The following SMYD3 variants were observed in gnomAD, a reference collection of about 807,000 sequenced individuals.
SMYD3 encodes the protein histone-lysine N-methyltransferase SMYD3.
A neutral mutation model predicts 57.7 loss-of-function variants in SMYD3; 36 were observed. The observed-to-expected ratio is 0.62, with a 90% CI of 0.48 to 0.82. The LOEUF (loss-of-function observed/expected upper bound fraction) is 0.82, where lower values mean the gene tolerates loss of function less well. Ranked by LOEUF, SMYD3 falls within the 40% of genes least tolerant of loss-of-function variation. The probability of loss-of-function intolerance (pLI) is 0.00; values close to 1 mark genes in which losing one functional copy is unlikely to be tolerated. For missense variants in SMYD3, 515 were observed against 538.8 expected (o/e 0.96, Z 0.44); for synonymous variants, 211 against 195.0 (o/e 1.08, Z -0.68).
Position 246,196,654 on chromosome 1 carries a change from G to A in SMYD3, c.531+130547C>T, listed in dbSNP as rs928210795. On this transcript the variant is annotated intron_variant, in intron 5 of 11. Transcript: ENST00000490107. ...TACAATACAACATTCTTTCCCCAAT[G>A]AAAAACAAATTTTAAACTATTTATT... Among the ~76,000 whole-genome samples the A allele has an allele frequency of 2.7e-4, 41 of 152,158 alleles. 1 individual carries two copies. Among genetic ancestry groups the A allele is most frequent in the Admixed American group, 2.6e-3 (39 of 15,280 alleles).
chr1:246,037,579 C>G (rs1249630988), intron 5 of SMYD3, among the ~76,000 whole-genome samples: 1 of 152,240 alleles, frequency 6.6e-6, no homozygotes, highest in Non-Finnish European at 1.5e-5. Context: ...GATGACCCAT[C>G]TTTCCTGCTC....
At chr1:246,479,683 AT>A (rs2068077646) in intron 1 of SMYD3, among the ~76,000 whole-genome samples, 1 of 151,498 alleles carries the variant, frequency 6.6e-6, no homozygotes, top group South Asian at 2.1e-4. Context: ...AGTTTTTAAA[AT>A]TTTTGTAGAG....
At chr1:246,344,073 G>C (rs1414137538) in intron 2 of SMYD3, among the ~76,000 whole-genome samples, 1 of 151,872 alleles carries the variant, frequency 6.6e-6, no homozygotes, top group Non-Finnish European at 1.5e-5. Context: ...TTTTGAGATG[G>C]GGTCTTGCTA....
intron 5 of SMYD3, among the ~76,000 whole-genome samples, chr1:246,142,653 C>T (rs143645774): frequency 1.3e-3 from 191 of 152,202 alleles, no homozygotes; most frequent in African/African-American, 4.3e-3. Context: ...GAACAGTGCA[C>T]GACTGTAAAC....
At chr1:245,839,809 TGAA>T (rs1166156191) in intron 10 of SMYD3, among the ~76,000 whole-genome samples, 1 of 150,962 alleles carries the variant, frequency 6.6e-6, no homozygotes, top group East Asian at 2.0e-4. Flanking sequence ...GGGGGAAAAA[TGAA>T]GAACACTCAG....
intron 1 of SMYD3, among the ~76,000 whole-genome samples, chr1:246,481,621 T>TACACACAC (rs1553354806): frequency 9.1e-5 from 9 of 98,540 alleles, no homozygotes; most frequent in African/African-American, 3.0e-4. Flanking sequence ...CATACATATA[T>TACACACAC]ACATACATAC....
chr1:245,935,902 G>A (rs1319888171), intron 5 of SMYD3, among the ~76,000 whole-genome samples: 1 of 152,194 alleles, frequency 6.6e-6, no homozygotes, highest in Non-Finnish European at 1.5e-5. Flanking sequence ...ATGGGGAGAT[G>A]TTGGTCAAAG....
At chr1:246,261,755 TTC>T (rs1477868916) in intron 5 of SMYD3, among the ~76,000 whole-genome samples, 2 of 152,222 alleles carry the variant, frequency 1.3e-5, no homozygotes, top group African/African-American at 4.8e-5. Flanking sequence ...ATATACCATT[TTC>T]TCTTTCTGTG....
intron 5 of SMYD3, among the ~76,000 whole-genome samples, chr1:246,046,680 T>C (rs1038927384): frequency 6.7e-6 from 1 of 148,492 alleles, no homozygotes; most frequent in East Asian, 1.9e-4. Context: ...TATATATATT[T>C]TGCTGATGTA....
chr1:246,117,941 A>G (rs2061367311), intron 5 of SMYD3, among the ~76,000 whole-genome samples: 1 of 152,220 alleles, frequency 6.6e-6, no homozygotes, highest in Admixed American at 6.5e-5. Flanking sequence ...AATAGTTACA[A>G]TATCACGATC....
intron 10 of SMYD3, among the ~76,000 whole-genome samples, chr1:245,774,552 G>A (rs981310880): frequency 2.6e-5 from 4 of 152,194 alleles, no homozygotes; most frequent in Non-Finnish European, 4.4e-5. Flanking sequence ...GAAATTGACT[G>A]TAGTCATGGT....
At chr1:246,134,462 T>C (rs1022147574) in intron 5 of SMYD3, among the ~76,000 whole-genome samples, 2 of 152,116 alleles carry the variant, frequency 1.3e-5, no homozygotes, top group Non-Finnish European at 2.9e-5. Context: ...TTAAATTATA[T>C]ACCCATGATT....
intron 5 of SMYD3, among the ~76,000 whole-genome samples, chr1:246,124,769 C>T (rs754998502): frequency 5.9e-5 from 9 of 152,140 alleles, no homozygotes; most frequent in Non-Finnish European, 8.8e-5. Context: ...ATCTGATGAT[C>T]ATACACAGAG....
intron 5 of SMYD3, among the ~76,000 whole-genome samples, chr1:245,977,148 G>A (rs2058464921): frequency 6.6e-6 from 1 of 152,178 alleles, no homozygotes; most frequent in African/African-American, 2.4e-5. Context: ...TACTTCTCTA[G>A]ACAGAATTAG....
At chr1:246,035,774 G>GA (rs1186364000) in intron 5 of SMYD3, among the ~76,000 whole-genome samples, 1 of 151,738 alleles carries the variant, frequency 6.6e-6, no homozygotes, top group African/African-American at 2.4e-5. Flanking sequence ...ATCTTGCCCA[G>GA]AAAAAAAATA....
At chr1:246,292,788 T>C (rs558082759) in intron 5 of SMYD3, among the ~76,000 whole-genome samples, 5 of 152,226 alleles carry the variant, frequency 3.3e-5, no homozygotes, top group African/African-American at 1.2e-4. Flanking sequence ...TTGGAGTCTC[T>C]GCAAAAGGAA....
At chr1:246,037,454 G>A (rs2059796628) in intron 5 of SMYD3, among the ~76,000 whole-genome samples, 1 of 152,186 alleles carries the variant, frequency 6.6e-6, no homozygotes, top group Non-Finnish European at 1.5e-5. Flanking sequence ...TAACTTCTGG[G>A]AGGCACTAGC....
intron 5 of SMYD3, among the ~76,000 whole-genome samples, chr1:246,210,579 G>A (rs374994152): frequency 1.3e-5 from 2 of 151,862 alleles, no homozygotes; most frequent in Admixed American, 6.6e-5. Context: ...GCGTGGTTGC[G>A]GGCACCTGTA....
chr1:246,327,558 T>G (rs1243287641), intron 4 of SMYD3, among the ~76,000 whole-genome samples: 1 of 152,352 alleles, frequency 6.6e-6, no homozygotes, highest in African/African-American at 2.4e-5. Flanking sequence ...ATCAAACACC[T>G]ATCAAAACAT....
Sources: allele counts gnomAD v4.1 joint callset (sites outside exome capture counted in the v4.1 genomes callset), GRCh38; gene constraint gnomAD v4.1.1; transcripts MANE v1.5; gene names NCBI Gene and HGNC (gene_info 2026-07-23, HGNC 2026-07-21).